SPAG4: variants seen among roughly 807,000 people sequenced by gnomAD.
The protein encoded by SPAG4 is sperm-associated antigen 4 protein.
In SPAG4, 54 loss-of-function variants were observed where a neutral mutation model predicts 53.9. The observed-to-expected ratio is 1.00, with a 90% CI of 0.80 to 1.26. The LOEUF is 1.26. Ranked by LOEUF, SPAG4 falls within the 50% of genes most tolerant of loss-of-function variation. SPAG4 has a pLI of 0.00. For missense variants in SPAG4, 548 were observed against 568.6 expected, an observed-to-expected ratio of 0.96 and a Z score of 0.37; for synonymous variants, 246 against 237.4, an observed-to-expected ratio of 1.04 and a Z score of -0.33.
chr20:35,618,593 GCCCACCT>G lies in SPAG4; in HGVS notation c.609-9_609-3del, dbSNP rs1356102015. ...GGGGACAGGGAGCCAACCCCACGGCGCCCACCTCCCACCTCCAGTGAGTACCACGAGC... is the reference window on the plus strand; with the variant it reads ...GGGGACAGGGAGCCAACCCCACGGCGCCCACCTCCAGTGAGTACCACGAGC... On this transcript the variant is annotated splice_polypyrimidine_tract_variant and intron_variant, in intron 6 of 11. Transcript: ENST00000374273. The G allele has an allele frequency of 7.5e-6, 12 of 1,595,532 alleles. No homozygotes were observed. The highest frequency in any genetic ancestry group is 1.0e-5 in the Non-Finnish European group (12 of 1,170,338).
chr20:35,616,416 G>C, intron 1 of SPAG4, 109 bp downstream of exon 1: 1 of 1,395,908 alleles, frequency 7.2e-7, no homozygotes, highest in Non-Finnish European at 9.3e-7. Flanking sequence ...CTACAAGGTG[G>C]GTCCTGTAGG....
At chr20:35,617,740 T>G in intron 3 of SPAG4, 39 bp from the exon 4 acceptor site, 1 of 1,602,434 alleles carries the variant, frequency 6.2e-7, no homozygotes, top group Non-Finnish European at 8.5e-7. Flanking sequence ...ACTGGAGGGT[T>G]GAGCAGGTCG....
At position 35,616,116 on chromosome 20, in the gene SPAG4, G is replaced by C; in HGVS notation, c.113G>C (p.Arg38Pro). Residue 38 changes from arginine to proline, a missense_variant, in exon 1 of 12, where the codon CGG becomes CCG. By Grantham distance (103) the Arg-to-Pro change is moderately radical. Transcript: ENST00000374273. ...ACCTCGGAGGACAGCAAAGGGCTCCGGTCAGCGGAGCCCGGGCCTGGGGAG... is the reference window on the plus strand; with the variant it reads ...ACCTCGGAGGACAGCAAAGGGCTCCCGTCAGCGGAGCCCGGGCCTGGGGAG... ...SITSEDSKGL[R>P]SAEPGPGEPE... 1 of 1,597,564 alleles carries C rather than the reference G, an allele frequency of 6.3e-7. No individual in the cohort carries two copies. The highest frequency in any genetic ancestry group is 8.5e-7 in the Non-Finnish European group (1 of 1,173,564).
intron 5 of SPAG4, 99 bp downstream of exon 5, chr20:35,618,229 G>C: frequency 7.9e-7 from 1 of 1,266,594 alleles, no homozygotes; most frequent in Non-Finnish European, 1.1e-6. Flanking sequence ...GGTGGGGGTA[G>C]TGCCAGAGGC....
At chr20:35,618,856 G>A in intron 7 of SPAG4, 67 bp from the exon 8 acceptor site, 1 of 1,508,824 alleles carries the variant, frequency 6.6e-7, no homozygotes, top group Non-Finnish European at 9.2e-7. Flanking sequence ...GCTCCCAGAG[G>A]TCCCGTCCAC....
intron 8 of SPAG4, 60 bp downstream of exon 8, chr20:35,619,058 C>A: frequency 6.6e-7 from 1 of 1,508,082 alleles, no homozygotes; most frequent in Non-Finnish European, 9.2e-7. Flanking sequence ...AAGACACTGA[C>A]ACAGACAGAC....
Position 35,621,087 on chromosome 20 carries a change from C to G in SPAG4, c.*65C>G. On this transcript the variant is annotated 3_prime_UTR_variant, in exon 12 of 12. Coordinates refer to ENST00000374273, the MANE Select transcript of SPAG4 (RefSeq NM_003116.3). ...GATACTGGATCAGTGCTTTCGGGGG[C>G]TCTGTTGGGAGAGCTCTGGCTGCCG... 6.4e-7 allele frequency: 1 copy of G among 1,564,658 alleles called. No individual in the cohort carries two copies. Among genetic ancestry groups the G allele is most frequent in the Non-Finnish European group, 8.8e-7 (1 of 1,140,146 alleles).
Position 35,618,689 on chromosome 20 carries a change from A to T in SPAG4, c.686A>T (p.Glu229Val). The T allele has an allele frequency of 6.3e-7, 1 of 1,591,600 alleles. No homozygotes were observed. The highest frequency in any genetic ancestry group is 1.7e-5 in the Admixed American group (1 of 57,582). Residue 229 changes from glutamate to valine, a missense_variant, in exon 7 of 12, where the codon GAG (glutamate) becomes GTG (valine). Coordinates refer to ENST00000374273, the MANE Select transcript of SPAG4 (RefSeq NM_003116.3). ...LQAELDKLHK[E>V]VSTVRAANSE... ...GCCGAGCTGGATAAACTCCACAAGG[A>T]GGTGTCCACTGTTCGGGCAGCCAAC...
chr20:35,615,998 G>A lies in SPAG4; in HGVS notation c.-6G>A. On this transcript the variant is annotated 5_prime_UTR_variant, in exon 1 of 12. Transcript: ENST00000374273. ...AGCGTCAGTGACTAGGCAGCAGGGGGTCAGGATGCGGCGAAGCTCCCGCCC... is the reference window on the plus strand; with the variant it reads ...AGCGTCAGTGACTAGGCAGCAGGGGATCAGGATGCGGCGAAGCTCCCGCCC... The A allele has an allele frequency of 3.1e-6, 5 of 1,610,418 alleles. No homozygotes were observed. The highest frequency in any genetic ancestry group is 4.2e-6 in the Non-Finnish European group (5 of 1,179,444).
chr20:35,620,605 C>G, intron 10 of SPAG4, 79 bp from the exon 11 acceptor site: 1 of 640,196 alleles, frequency 1.6e-6, no homozygotes, highest in Non-Finnish European at 2.9e-6. Flanking sequence ...AGAAGATCCT[C>G]AGCAAAGTTT....
intron 8 of SPAG4, 89 bp from the exon 9 acceptor site, chr20:35,619,106 G>GCCC: frequency 4.5e-6 from 5 of 1,122,286 alleles, no homozygotes; most frequent in Non-Finnish European, 6.5e-6. Context: ...GCCTCGGACA[G>GCCC]CCCCCACCCG....
chr20:35,618,222 G>A (rs1359180072), intron 5 of SPAG4, 92 bp downstream of exon 5: 31 of 1,316,208 alleles, frequency 2.4e-5, no homozygotes, highest in Non-Finnish European at 3.3e-5. Context: ...CTGCTGGGGT[G>A]GGGGTAGTGC....
chr20:35,617,411 G>A, intron 2 of SPAG4, 109 bp from the exon 3 acceptor site: 1 of 1,075,146 alleles, frequency 9.3e-7, no homozygotes, highest in Non-Finnish European at 1.4e-6. Flanking sequence ...CTGAGCCCCA[G>A]GCCCACCCCC....
At chr20:35,617,367 C>A in intron 2 of SPAG4, 127 bp downstream of exon 2, 2 of 943,572 alleles carry the variant, frequency 2.1e-6, no homozygotes, top group South Asian at 2.8e-5. Context: ...TCATTCCTAG[C>A]CCCCATCCAA....
chr20:35,618,533 C>T, intron 6 of SPAG4, 58 bp downstream of exon 6: 1 of 1,609,268 alleles, frequency 6.2e-7, no homozygotes, highest in Non-Finnish European at 8.5e-7. Flanking sequence ...TCTTTGAGAA[C>T]CTTGAAGGCG....
In SPAG4 at chr20:35,618,629, T is replaced by G. The variant is rs775796964; in HGVS notation, c.626T>G (p.Val209Gly). ...MLTLSEYHER[V>G]RSQGQQLQQL... ...ACCTCCAGTGAGTACCACGAGCGCG[T>G]GCGCTCCCAGGGGCAGCAGCTGCAG... Residue 209 changes from valine to glycine, a missense_variant, in exon 7 of 12, where the codon GTG (valine) becomes GGG (glycine). Coordinates refer to ENST00000374273, the MANE Select transcript of SPAG4 (RefSeq NM_003116.3). 9 of 1,599,934 alleles carry G rather than the reference T, an allele frequency of 5.6e-6. No individual in the cohort carries two copies. The East Asian group carries it at 1.6e-4, about 28-fold the overall frequency.
intron 5 of SPAG4, 148 bp from the exon 6 acceptor site, chr20:35,618,302 T>C (rs1172255282): frequency 2.7e-6 from 3 of 1,131,698 alleles, no homozygotes; most frequent in Admixed American, 4.4e-5. Flanking sequence ...TGAGGGTCTC[T>C]TGGGGGCTCT....
Position 35,618,667 on chromosome 20 carries a change from G to A in SPAG4, c.664G>A (p.Glu222Lys). 2 of 1,596,378 alleles carry A rather than the reference G, an allele frequency of 1.3e-6. No homozygotes were observed. The highest frequency in any genetic ancestry group is 1.7e-6 in the Non-Finnish European group (2 of 1,171,432). Residue 222 changes from glutamate to lysine, a missense_variant, in exon 7 of 12, where the codon GAG becomes AAG. Glu to Lys is a moderately conservative substitution (Grantham distance 56). Transcript: ENST00000374273. ...QGQQLQQLQA[E>K]LDKLHKEVST... ...GCAGCAGCTGCAGCAGCTCCAGGCC[G>A]AGCTGGATAAACTCCACAAGGAGGT...
chr20:35,618,273 A>G, intron 5 of SPAG4, 143 bp downstream of exon 5: 1 of 1,098,550 alleles, frequency 9.1e-7, no homozygotes, highest in Non-Finnish European at 1.3e-6. Flanking sequence ...ATATAAACAG[A>G]CTTATGAGGG....
Sources: gnomAD v4.1 joint callset for allele counts on GRCh38, gnomAD v4.1.1 for gene constraint, MANE v1.5 for transcripts, NCBI Gene and HGNC (gene_info 2026-07-23, HGNC 2026-07-21) for gene names.